Variants in DACH1 observed in about 807,000 individuals in gnomAD.
The protein encoded by DACH1 is dachshund family transcription factor 1.
Under a neutral mutation model 54.2 loss-of-function variants are expected in DACH1, and 12 were observed. The observed-to-expected ratio is 0.22, with a 90% confidence interval of 0.14 to 0.36. The LOEUF (loss-of-function observed/expected upper bound fraction) is 0.36. Among genes scored for constraint, DACH1 ranks in the 10% least tolerant of loss-of-function variants. The probability of loss-of-function intolerance (pLI) is 1.00; values close to 1 mark genes in which losing one functional copy is unlikely to be tolerated. For missense variants in DACH1, 805 were observed against 929.8 expected (o/e 0.87, Z 1.75); for synonymous variants, 386 against 366.2 (o/e 1.05, Z -0.62).
intron 1 of DACH1, among the ~76,000 whole-genome samples, chr13:71,707,253 C>A (rs746841000): frequency 1.2e-4 from 18 of 152,364 alleles, no homozygotes; most frequent in Non-Finnish European, 7.3e-5. Flanking sequence ...TTGAGGAAGT[C>A]TCAGCAGGGC....
At position 71,637,357 on chromosome 13, in the gene DACH1, C is replaced by G. The variant is rs78124900; in HGVS notation, c.965-6640G>C. Among the ~76,000 whole-genome samples the G allele has an allele frequency of 3.3e-5, 5 of 152,244 alleles. No individual in the cohort carries two copies. In the South Asian group the frequency reaches 6.2e-4, roughly 19 times the overall value. ...CACTGAAACTGTGAAGTAACTCATA[C>G]GATCCATCATGTCTCTATGTTTAGT... On this transcript the variant is annotated intron_variant, in intron 2 of 10. Transcript: ENST00000613252.
intron 6 of DACH1, among the ~76,000 whole-genome samples, chr13:71,548,244 T>C (rs1883585447): frequency 6.6e-6 from 1 of 152,184 alleles, no homozygotes; most frequent in Admixed American, 6.5e-5. Context: ...TATGTCAAAT[T>C]ATTATATGTC....
chr13:71,599,386 A>G (rs1380616603), intron 3 of DACH1, among the ~76,000 whole-genome samples: 2 of 152,170 alleles, frequency 1.3e-5, no homozygotes, highest in African/African-American at 4.8e-5. Context: ...TGAACAATGG[A>G]AATGCTGTTA....
In DACH1 at chr13:71,700,603, A is replaced by C. The variant is rs755359115; in HGVS notation, c.849-18693T>G. On this transcript the variant is annotated intron_variant, in intron 1 of 10. Transcript: ENST00000613252. ...AAAAAAAAGAGAGAGAGAGAGAGAG[A>C]GAGCAAGCTTAGTTAGAAATAAGCA... is the stretch of plus-strand genomic sequence containing the variant. Among the ~76,000 whole-genome samples, 19 of 129,804 alleles carry C rather than the reference A, an allele frequency of 1.5e-4. No individual in the cohort carries two copies. The South Asian group carries it at 4.0e-3, about 27-fold the overall frequency. 85.2% of individuals were successfully genotyped at this position (129,804 alleles called of 152,430 possible). A position where few individuals can be genotyped will look rare whatever the true frequency, so the allele number is the denominator to read the frequency against.
chr13:71,664,954 G>C lies in DACH1; in HGVS notation c.964+16841C>G, dbSNP rs1594069003. ...CCAATTGTGACATTGCTTTGACCAGGAGCTTTATCAATTGCACAAATAAAT... is the reference window on the plus strand; with the variant it reads ...CCAATTGTGACATTGCTTTGACCAGCAGCTTTATCAATTGCACAAATAAAT... On this transcript the variant is annotated intron_variant, in intron 2 of 10. Transcript: ENST00000613252. Among the ~76,000 whole-genome samples the C allele has an allele frequency of 2.0e-5, 3 of 152,086 alleles. No homozygotes were observed. The East Asian group carries it at 5.8e-4, about 29-fold the overall frequency.
At chr13:71,442,837 T>G (rs2138096909) in intron 10 of DACH1, among the ~76,000 whole-genome samples, 1 of 152,034 alleles carries the variant, frequency 6.6e-6, no homozygotes, top group Non-Finnish European at 1.5e-5. Context: ...TAATATAAGT[T>G]ATGTAAATGT....
intron 1 of DACH1, among the ~76,000 whole-genome samples, chr13:71,713,794 A>T (rs1594127770): frequency 6.6e-6 from 1 of 152,150 alleles, no homozygotes; most frequent in African/African-American, 2.4e-5. Context: ...CCAGTTTTCA[A>T]GAATTTGTAA....
chr13:71,630,927 T>TAACAGA (rs975677606), intron 2 of DACH1, among the ~76,000 whole-genome samples: 1 of 152,110 alleles, frequency 6.6e-6, no homozygotes, highest in Non-Finnish European at 1.5e-5. Context: ...AATTAAATAT[T>TAACAGA]AACAGAAACA....
chr13:71,457,076 AC>A (rs1419923008), intron 10 of DACH1, among the ~76,000 whole-genome samples: 1 of 152,076 alleles, frequency 6.6e-6, no homozygotes, highest in African/African-American at 2.4e-5. Context: ...ATTTACCAAG[AC>A]TAAAGAATAA....
chr13:71,567,235 A>G (rs1593907283), intron 4 of DACH1, among the ~76,000 whole-genome samples: 1 of 152,208 alleles, frequency 6.6e-6, no homozygotes, highest in East Asian at 1.9e-4. Flanking sequence ...GAAAACTGTA[A>G]TGTGTCATAA....
chr13:71,809,256 C>T (rs1366530521), intron 1 of DACH1, among the ~76,000 whole-genome samples: 2 of 152,130 alleles, frequency 1.3e-5, no homozygotes. Flanking sequence ...ATGATCACAG[C>T]TCACTTCAGC....
chr13:71,464,844 T>C (rs1194467683), intron 10 of DACH1: 2 of 380,330 alleles, frequency 5.3e-6, no homozygotes, highest in African/African-American at 2.1e-5. Context: ...TCAAGAGAAA[T>C]TTCTGACACA....
rs1398892269 is a variant in DACH1, at chr13:71,619,430, C to T, written c.1126+11126G>A. On this transcript the variant is annotated intron_variant, in intron 3 of 10. Transcript: ENST00000613252. ...ATGAGTACATCATCATGCAATCACA[C>T]ATCTCACAATTCATTTATCCAATTA... Among the ~76,000 whole-genome samples, 4 of 151,854 alleles carry T rather than the reference C, an allele frequency of 2.6e-5. No individual in the cohort carries two copies. The East Asian group carries it at 5.8e-4, about 22-fold the overall frequency.
At chr13:71,577,665 C>T (rs895147343) in intron 3 of DACH1, among the ~76,000 whole-genome samples, 3 of 151,756 alleles carry the variant, frequency 2.0e-5, no homozygotes, top group African/African-American at 7.3e-5. Context: ...TAAACATACA[C>T]AAGAAAATGA....
intron 6 of DACH1, among the ~76,000 whole-genome samples, chr13:71,516,389 A>T (rs1430162911): frequency 6.6e-6 from 1 of 151,644 alleles, no homozygotes; most frequent in Non-Finnish European, 1.5e-5. Context: ...GGTCTCAAAC[A>T]TCTAGCTGAC....
intron 6 of DACH1, among the ~76,000 whole-genome samples, chr13:71,546,377 T>C (rs774265356): frequency 3.3e-4 from 50 of 152,142 alleles, no homozygotes; most frequent in Admixed American, 5.9e-4. Flanking sequence ...ACATTGGATA[T>C]AATAAATTTC....
intron 1 of DACH1, among the ~76,000 whole-genome samples, chr13:71,778,332 A>G (rs1232308281): frequency 6.6e-6 from 1 of 152,028 alleles, no homozygotes; most frequent in Non-Finnish European, 1.5e-5. Flanking sequence ...CATAAGTCAA[A>G]TGTAATTAAT....
chr13:71,474,086 T>A (rs1273837306), intron 10 of DACH1, among the ~76,000 whole-genome samples: 4 of 152,154 alleles, frequency 2.6e-5, no homozygotes, highest in Non-Finnish European at 4.4e-5. Flanking sequence ...TGTCTCATAA[T>A]AACATATGAT....
At chr13:71,460,118 C>T (rs1875944229) in intron 10 of DACH1, among the ~76,000 whole-genome samples, 1 of 152,046 alleles carries the variant, frequency 6.6e-6, no homozygotes, top group Non-Finnish European at 1.5e-5. Context: ...CCAAGAACTG[C>T]ATTTGAGATC....
Sources: gnomAD v4.1 joint callset for allele counts (sites outside exome capture counted in the v4.1 genomes callset) on GRCh38, gnomAD v4.1.1 for gene constraint, MANE v1.5 for transcripts, NCBI Gene and HGNC (gene_info 2026-07-23, HGNC 2026-07-21) for gene names.